Variants in BMPR1B observed in about 807,000 individuals in gnomAD.
BMPR1B encodes bone morphogenetic protein receptor type 1B.
A neutral mutation model predicts 59.1 loss-of-function variants in BMPR1B; 12 were observed. That is an observed-to-expected ratio of 0.20 (90% confidence interval 0.13 to 0.33). The LOEUF (loss-of-function observed/expected upper bound fraction) is 0.33, where lower values mean the gene tolerates loss of function less well. Ranked by LOEUF, BMPR1B falls within the 10% of genes least tolerant of loss-of-function variation. The pLI is 1.00. For missense variants in BMPR1B, 550 were observed against 610.9 expected (o/e 0.90, Z 1.05); for synonymous variants, 237 against 207.3 (o/e 1.14, Z -1.23).
intron 3 of BMPR1B, among the ~76,000 whole-genome samples, chr4:95,066,857 GT>G (rs1727847877): frequency 6.6e-6 from 1 of 152,152 alleles, no homozygotes; most frequent in African/African-American, 2.4e-5. Context: ...ACTAAATTAT[GT>G]TGGTTTTTCA....
At chr4:95,044,412 C>G (rs1452120619) in intron 3 of BMPR1B, among the ~76,000 whole-genome samples, 1 of 152,198 alleles carries the variant, frequency 6.6e-6, no homozygotes, top group Non-Finnish European at 1.5e-5. Context: ...GTCCTGCCTG[C>G]TCTCCATGAG....
intron 1 of BMPR1B, among the ~76,000 whole-genome samples, chr4:94,825,535 A>G (rs1724352897): frequency 6.6e-6 from 1 of 152,074 alleles, no homozygotes; most frequent in Non-Finnish European, 1.5e-5. Flanking sequence ...ACAAAACAAA[A>G]TAGTACCATC....
At chr4:94,866,068 T>C (rs1726225440) in intron 1 of BMPR1B, among the ~76,000 whole-genome samples, 1 of 152,208 alleles carries the variant, frequency 6.6e-6, no homozygotes, top group Non-Finnish European at 1.5e-5. Context: ...ACTTTGTGTA[T>C]TGGTGACACT....
Position 95,152,740 on chromosome 4 carries a change from C to G in BMPR1B, c.1350C>G (p.Arg450=). 6.2e-7 allele frequency: 1 copy of G among 1,610,592 alleles called. No individual in the cohort carries two copies. The highest frequency in any genetic ancestry group is 8.5e-7 in the Non-Finnish European group (1 of 1,178,436). The change falls in exon 12 of 13, where the codon CGC becomes CGG. Residue 450 remains arginine (R), a synonymous_variant. Transcript: ENST00000515059. ...AGATTGTGTGCATCAAGAAGTTACGCCCCTCATTCCCAAACCGGTGGAGCA... is the reference window on the plus strand; with the variant it reads ...AGATTGTGTGCATCAAGAAGTTACGGCCCTCATTCCCAAACCGGTGGAGCA... ...MREIVCIKKL[R]PSFPNRWSSD...
At chr4:94,873,543 A>AC (rs1263859106) in intron 1 of BMPR1B, among the ~76,000 whole-genome samples, 1 of 151,750 alleles carries the variant, frequency 6.6e-6, no homozygotes, top group East Asian at 1.9e-4. Context: ...AGTAGCTGGG[A>AC]CTACAGGCGT....
chr4:94,904,822 C>T (rs958644305), intron 2 of BMPR1B, among the ~76,000 whole-genome samples: 13 of 151,942 alleles, frequency 8.6e-5, no homozygotes, highest in Admixed American at 2.0e-4. Flanking sequence ...TCGAGAAAAA[C>T]GAACTTGGAA....
intron 1 of BMPR1B, among the ~76,000 whole-genome samples, chr4:94,800,256 G>A (rs1210115308): frequency 6.6e-6 from 1 of 152,130 alleles, no homozygotes; most frequent in Non-Finnish European, 1.5e-5. Flanking sequence ...CATTTGTGCA[G>A]GAAGAGCTTT....
At chr4:94,917,218 C>G (rs1367895677) in intron 2 of BMPR1B, among the ~76,000 whole-genome samples, 2 of 152,198 alleles carry the variant, frequency 1.3e-5, no homozygotes, top group Non-Finnish European at 2.9e-5. Flanking sequence ...AAATCTGAGG[C>G]TGGAGCCCCC....
At chr4:95,015,918 C>G (rs910388480) in intron 3 of BMPR1B, among the ~76,000 whole-genome samples, 10 of 152,170 alleles carry the variant, frequency 6.6e-5, no homozygotes, top group Non-Finnish European at 1.3e-4. Context: ...GTCTTGATCT[C>G]TTGACCTTAT....
intron 9 of BMPR1B, among the ~76,000 whole-genome samples, 178 bp downstream of exon 9, chr4:95,130,232 A>T (rs1733227811): frequency 6.6e-6 from 1 of 152,204 alleles, no homozygotes; most frequent in Non-Finnish European, 1.5e-5. Context: ...AGGAGGAATG[A>T]CTAAGGCACT....
At chr4:95,124,239 C>T (rs751335377) in intron 7 of BMPR1B, among the ~76,000 whole-genome samples, 3 of 151,938 alleles carry the variant, frequency 2.0e-5, no homozygotes, top group Non-Finnish European at 2.9e-5. Flanking sequence ...AAGAGTTGCT[C>T]AAATTCCTTA....
At chr4:95,063,986 C>G (rs925694223) in intron 3 of BMPR1B, among the ~76,000 whole-genome samples, 1 of 151,960 alleles carries the variant, frequency 6.6e-6, no homozygotes, top group Non-Finnish European at 1.5e-5. Flanking sequence ...TTTTAGATTA[C>G]CAAGGTTTGG....
intron 1 of BMPR1B, among the ~76,000 whole-genome samples, chr4:94,820,239 C>G (rs1724155856): frequency 6.6e-6 from 1 of 152,122 alleles, no homozygotes; most frequent in African/African-American, 2.4e-5. Flanking sequence ...AATTTTAATT[C>G]AGATGGTCTG....
chr4:95,133,716 C>G (rs1271819915), intron 10 of BMPR1B, among the ~76,000 whole-genome samples: 2 of 151,932 alleles, frequency 1.3e-5, no homozygotes, highest in African/African-American at 4.8e-5. Flanking sequence ...GAACTTCAGG[C>G]ATGTGCCACC....
intron 3 of BMPR1B, among the ~76,000 whole-genome samples, chr4:95,008,349 T>C (rs867518991): frequency 6.6e-6 from 1 of 152,216 alleles, no homozygotes; most frequent in African/African-American, 2.4e-5. Flanking sequence ...TGTAATGCTA[T>C]GCAGTAACTT....
At position 94,993,760 on chromosome 4, in the gene BMPR1B, CAAAAAAA is replaced by C. The variant is rs34395946; in HGVS notation, c.-112-2262_-112-2256del. Among the ~76,000 whole-genome samples the C allele has an allele frequency of 4.2e-3, 291 of 68,568 alleles. 1 individual carries two copies. The highest frequency in any genetic ancestry group is 0.015 in the African/African-American group (281 of 18,748). 45.0% of individuals were successfully genotyped at this position (68,568 alleles called of 152,430 possible). A position where few individuals can be genotyped will look rare whatever the true frequency, so the allele number is the denominator to read the frequency against. ...TGGGCAACAGAGCAAGACTCCATCT[CAAAAAAA>C]AAAAAAAAAAAAAAAAAGTATGACA... is the stretch of plus-strand genomic sequence containing the variant. On this transcript the variant is annotated intron_variant, in intron 2 of 12. Transcript: ENST00000515059.
intron 10 of BMPR1B, among the ~76,000 whole-genome samples, chr4:95,136,942 C>T (rs181819185): frequency 0.1 from 15,759 of 151,886 alleles, 2,004 homozygotes; most frequent in African/African-American, 0.3. Flanking sequence ...TTATTTCTTG[C>T]CTTCTGCTAG....
At chr4:95,031,790 G>C (rs1164748561) in intron 3 of BMPR1B, among the ~76,000 whole-genome samples, 8 of 152,002 alleles carry the variant, frequency 5.3e-5, no homozygotes, top group African/African-American at 2.4e-5. Context: ...GACTGGACAG[G>C]GTGGCTCACT....
Position 95,156,288 on chromosome 4 carries a change from T to C in BMPR1B, c.*1615T>C, listed in dbSNP as rs1735415233. On this transcript the variant is annotated 3_prime_UTR_variant, in exon 13 of 13. Coordinates refer to ENST00000515059, the MANE Select transcript of BMPR1B (RefSeq NM_001203.3). ...TCTTAGAAATTCTGTTAGTGGTTAG[T>C]AAAGAATTTGAAAGTACTTTCTCCT... is the stretch of plus-strand genomic sequence containing the variant. 1 of 151,804 alleles carries C rather than the reference T, an allele frequency of 6.6e-6. No homozygotes were observed. The highest frequency in any genetic ancestry group is 1.5e-5 in the Non-Finnish European group (1 of 67,942). The allele number at this position is 151,804 out of a possible 1,614,324, so 9.4% of individuals were successfully genotyped here.
Sources: allele counts gnomAD v4.1 joint callset (sites outside exome capture counted in the v4.1 genomes callset), GRCh38; gene constraint gnomAD v4.1.1; transcripts MANE v1.5; gene names NCBI Gene and HGNC (gene_info 2026-07-23, HGNC 2026-07-21).